The following KCNIP4 variants were observed in gnomAD, a reference collection of about 807,000 sequenced individuals.
The protein encoded by KCNIP4 is Kv channel-interacting protein 4.
Under a neutral mutation model 34.0 loss-of-function variants are expected in KCNIP4, and 12 were observed. That is an observed-to-expected ratio of 0.35 (90% CI 0.23 to 0.57). KCNIP4 has a LOEUF of 0.57. Ranked by LOEUF, KCNIP4 falls within the 20% of genes least tolerant of loss-of-function variation. KCNIP4 has a pLI of 0.83. For missense variants in KCNIP4, 238 were observed against 311.7 expected, an observed-to-expected ratio of 0.76 and a Z score of 1.78; for synonymous variants, 124 against 102.2, an observed-to-expected ratio of 1.21 and a Z score of -1.29.
intron 1 of KCNIP4, among the ~76,000 whole-genome samples, chr4:21,422,682 T>A (rs1034332403): frequency 6.6e-6 from 1 of 151,900 alleles, no homozygotes; most frequent in African/African-American, 2.4e-5. Context: ...TGTGTGTGTG[T>A]GTGTGTGTCT....
chr4:21,370,929 AGCAAT>A (rs1218756800), intron 1 of KCNIP4, among the ~76,000 whole-genome samples: 2 of 124,330 alleles, frequency 1.6e-5, no homozygotes, highest in Non-Finnish European at 1.6e-5. Context: ...AAAAGAAACT[AGCAAT>A]GCAAGAGAGG....
Position 21,373,999 on chromosome 4 carries a change from C to A in KCNIP4, c.62-491290G>T, listed in dbSNP as rs1326533202. Reference sequence around the variant, plus strand: ...GGATTACAGGTGTGAGCCACCACACCCAGCCTAGGGTTTCTCATTTTTAGA... The same window carrying A: ...GGATTACAGGTGTGAGCCACCACACACAGCCTAGGGTTTCTCATTTTTAGA... On this transcript the variant is annotated intron_variant, in intron 1 of 8. Transcript: ENST00000382152. Among the ~76,000 whole-genome samples, 2 of 147,410 alleles carry A rather than the reference C, an allele frequency of 1.4e-5. 1 individual carries two copies. The highest frequency in any genetic ancestry group is 5.4e-5 in the African/African-American group (2 of 37,040).
chr4:21,334,595 T>C (rs112120830), intron 1 of KCNIP4, among the ~76,000 whole-genome samples: 2 of 152,092 alleles, frequency 1.3e-5, no homozygotes, highest in African/African-American at 4.8e-5. Flanking sequence ...CAGGGTTATA[T>C]AACCATCACC....
chr4:20,736,060 A>C (rs1749557972), intron 5 of KCNIP4, among the ~76,000 whole-genome samples: 1 of 152,212 alleles, frequency 6.6e-6, no homozygotes, highest in Admixed American at 6.5e-5. Context: ...CATATAGTTC[A>C]ACATTTAAAA....
intron 1 of KCNIP4, among the ~76,000 whole-genome samples, chr4:20,916,840 A>C (rs1029326517): frequency 2.0e-5 from 3 of 151,468 alleles, no homozygotes. Context: ...TAGCTTCTCC[A>C]AAGTCCTAAA....
chr4:21,884,911 TC>T (rs1398625792), intron 1 of KCNIP4, among the ~76,000 whole-genome samples: 1 of 151,616 alleles, frequency 6.6e-6, no homozygotes, highest in East Asian at 2.0e-4. Flanking sequence ...TACTCAGGAG[TC>T]CATCTCAGTG....
In KCNIP4 at chr4:21,757,243, G is replaced by GAAAGAAAAGAAAAGAAAAGAAAAGA. The variant is rs145596310; in HGVS notation, c.61+191303_61+191327dup. 5.7e-4 allele frequency among the ~76,000 whole-genome samples: 15 copies of GAAAGAAAAGAAAAGAAAAGAAAAGA among 26,486 alleles called. 1 individual carries two copies. The highest frequency in any genetic ancestry group is 3.4e-3 in the African/African-American group (15 of 4,432). 17.4% of individuals were successfully genotyped at this position (26,486 alleles called of 152,430 possible). ...AGAAAGAAAGAAAGAAAGAAAGAAA[G>GAAAGAAAAGAAAAGAAAAGAAAAGA]AAAGAAAAGAAAAGAAAAGAAAAGA... On this transcript the variant is annotated intron_variant, in intron 1 of 8. Transcript: ENST00000382152.
chr4:21,721,390 A>G (rs1427317135), intron 1 of KCNIP4, among the ~76,000 whole-genome samples: 1 of 152,186 alleles, frequency 6.6e-6, no homozygotes, highest in East Asian at 1.9e-4. Context: ...CCTATAGTGA[A>G]CAAATTTTAA....
intron 1 of KCNIP4, among the ~76,000 whole-genome samples, chr4:21,143,131 A>G (rs1752092144): frequency 6.6e-6 from 1 of 152,220 alleles, no homozygotes; most frequent in Non-Finnish European, 1.5e-5. Context: ...ACTCCCTAGG[A>G]AGACATTTTG....
chr4:21,861,575 G>A (rs1371006824), intron 1 of KCNIP4, among the ~76,000 whole-genome samples: 4 of 147,268 alleles, frequency 2.7e-5, no homozygotes, highest in South Asian at 2.1e-4. Flanking sequence ...CACTTAAGCC[G>A]GGACACAGGA....
At chr4:21,441,237 C>T (rs1234886313) in intron 1 of KCNIP4, among the ~76,000 whole-genome samples, 1 of 151,402 alleles carries the variant, frequency 6.6e-6, no homozygotes, top group Non-Finnish European at 1.5e-5. Context: ...CACCTCCCGG[C>T]TTCATGCCAT....
chr4:21,154,651 A>G (rs1459699745), intron 1 of KCNIP4, among the ~76,000 whole-genome samples: 2 of 152,218 alleles, frequency 1.3e-5, no homozygotes, highest in Admixed American at 6.5e-5. Context: ...AATCTTCCCA[A>G]TTAAATATTC....
At chr4:20,914,144 C>T (rs184352110) in intron 1 of KCNIP4, among the ~76,000 whole-genome samples, 44 of 150,014 alleles carry the variant, frequency 2.9e-4, no homozygotes, top group Admixed American at 2.1e-3. Flanking sequence ...GCAATAAGAG[C>T]GAAACTCTGT....
chr4:21,317,421 A>G (rs1713882523), intron 1 of KCNIP4, among the ~76,000 whole-genome samples: 2 of 152,198 alleles, frequency 1.3e-5, no homozygotes, highest in Admixed American at 6.5e-5. Flanking sequence ...AAAAAAAGGT[A>G]ACAATTTATG....
intron 1 of KCNIP4, among the ~76,000 whole-genome samples, chr4:21,115,177 C>T (rs1311910378): frequency 6.6e-6 from 1 of 152,114 alleles, no homozygotes; most frequent in African/African-American, 2.4e-5. Context: ...CCCACTGTTA[C>T]CCCATGTGCA....
chr4:20,801,676 A>T (rs1175695953), intron 3 of KCNIP4, among the ~76,000 whole-genome samples: 4 of 152,142 alleles, frequency 2.6e-5, no homozygotes, highest in Admixed American at 6.5e-5. Flanking sequence ...AAAACAAAAA[A>T]CATGGCAGAT....
At chr4:21,461,937 T>C (rs1428958259) in intron 1 of KCNIP4, among the ~76,000 whole-genome samples, 3 of 152,118 alleles carry the variant, frequency 2.0e-5, no homozygotes, top group Admixed American at 1.3e-4. Flanking sequence ...AAAATAATTG[T>C]TCATATTTAT....
At chr4:21,380,270 GC>G (rs1721356558) in intron 1 of KCNIP4, among the ~76,000 whole-genome samples, 1 of 151,936 alleles carries the variant, frequency 6.6e-6, no homozygotes, top group Admixed American at 6.6e-5. Context: ...TGTAAATATT[GC>G]CATATTTGAT....
Position 21,528,751 on chromosome 4 carries a change from GAAAGAAAGAAAGAAAGAAAGAAAGA to G in KCNIP4, c.61+419795_61+419819del, listed in dbSNP as rs1560489876. Among the ~76,000 whole-genome samples, 19 of 8,650 alleles carry G rather than the reference GAAAGAAAGAAAGAAAGAAAGAAAGA, an allele frequency of 2.2e-3. 3 individuals carry two copies. Among genetic ancestry groups the G allele is most frequent in the Admixed American group, 2.5e-3 (2 of 810 alleles). The allele number at this position is 8,650 out of a possible 152,430, so 5.7% of individuals were successfully genotyped here. A position where few individuals can be genotyped will look rare whatever the true frequency, so the allele number is the denominator to read the frequency against. ...AGAAAGAAAGAAAGAAAGAAAGAAA[GAAAGAAAGAAAGAAAGAAAGAAAGA>G]AAGGAAGAAAGGAAGAAAGGAAGAA... is the stretch of plus-strand genomic sequence containing the variant. On this transcript the variant is annotated intron_variant, in intron 1 of 8. Coordinates refer to ENST00000382152, the MANE Select transcript of KCNIP4 (RefSeq NM_025221.6).
Sources: gnomAD v4.1 joint callset for allele counts (sites outside exome capture counted in the v4.1 genomes callset) on GRCh38, gnomAD v4.1.1 for gene constraint, MANE v1.5 for transcripts, NCBI Gene and HGNC (gene_info 2026-07-23, HGNC 2026-07-21) for gene names.